Variants in STAG1 observed in about 807,000 individuals in gnomAD.
The protein encoded by STAG1 is cohesin subunit SA-1.
In STAG1, 26 loss-of-function variants were observed where a neutral mutation model predicts 170.9. The observed-to-expected ratio is 0.15, with a 90% CI of 0.11 to 0.21. STAG1 has a LOEUF of 0.21. Among genes scored for constraint, STAG1 ranks in the 10% least tolerant of loss-of-function variants. The probability of loss-of-function intolerance (pLI) is 1.00; values close to 1 mark genes in which losing one functional copy is unlikely to be tolerated. For missense variants in STAG1, 964 were observed against 1,509.5 expected (o/e 0.64, Z 5.99); for synonymous variants, 514 against 497.7 (o/e 1.03, Z -0.44).
intron 9 of STAG1, 123 bp downstream of exon 9, chr3:136,500,100 G>T: frequency 1.5e-6 from 1 of 652,408 alleles, no homozygotes; most frequent in Non-Finnish European, 2.7e-6. Context: ...GACAGCCAAA[G>T]TTGTTTTCCA....
chr3:136,454,047 G>A (rs1002965066), intron 13 of STAG1, among the ~76,000 whole-genome samples: 9 of 151,982 alleles, frequency 5.9e-5, no homozygotes, highest in African/African-American at 2.2e-4. Flanking sequence ...CTTTCAGAGG[G>A]GTGGTAAAAG....
chr3:136,404,424 T>C (rs1008436240), intron 21 of STAG1, among the ~76,000 whole-genome samples: 1 of 152,162 alleles, frequency 6.6e-6, no homozygotes, highest in Non-Finnish European at 1.5e-5. Context: ...TTTTATCTTC[T>C]CCTGTCTGCC....
intron 3 of STAG1, among the ~76,000 whole-genome samples, chr3:136,612,668 A>G (rs1033801936): frequency 1.3e-5 from 2 of 152,322 alleles, no homozygotes; most frequent in African/African-American, 2.4e-5. Context: ...TGAACAACAG[A>G]GCAAGACCCT....
chr3:136,503,670 A>G (rs1933602005), intron 7 of STAG1, among the ~76,000 whole-genome samples: 1 of 152,278 alleles, frequency 6.6e-6, no homozygotes, highest in African/African-American at 2.4e-5. Flanking sequence ...AGAAGAACTG[A>G]TTCATTTATC....
At chr3:136,723,388 C>G (rs1391038877) in intron 1 of STAG1, among the ~76,000 whole-genome samples, 1 of 150,740 alleles carries the variant, frequency 6.6e-6, no homozygotes, top group African/African-American at 2.5e-5. Flanking sequence ...GCCGCGACCC[C>G]GTCTGGGAGG....
intron 23 of STAG1, among the ~76,000 whole-genome samples, chr3:136,373,049 A>T (rs1341963162): frequency 1.3e-5 from 2 of 152,118 alleles, no homozygotes; most frequent in Non-Finnish European, 2.9e-5. Flanking sequence ...CTATTCAGAG[A>T]TTCAACTTCT....
At chr3:136,389,541 A>T (rs995385209) in intron 22 of STAG1, among the ~76,000 whole-genome samples, 1 of 151,944 alleles carries the variant, frequency 6.6e-6, no homozygotes, top group African/African-American at 2.4e-5. Context: ...CTTTTCTGAG[A>T]TGGATTCTTG....
chr3:136,445,080 G>A (rs1433262735), intron 14 of STAG1, among the ~76,000 whole-genome samples: 1 of 148,880 alleles, frequency 6.7e-6, no homozygotes, highest in Non-Finnish European at 1.5e-5. Flanking sequence ...TGGTTTCAGT[G>A]TGAATTTTAA....
At chr3:136,381,024 G>GAA (rs1196287485) in intron 22 of STAG1, among the ~76,000 whole-genome samples, 1 of 73,136 alleles carries the variant, frequency 1.4e-5, no homozygotes, top group African/African-American at 6.8e-5. Flanking sequence ...ACCCTGTCTC[G>GAA]AAAAAAAAAA....
In STAG1 at chr3:136,604,480, A is replaced by G. The variant is rs1938836187; in HGVS notation, c.133-7T>C. ...GAGGTTTCTTATTTGTAGACTGAAA[A>G]AAAGATAAAAAAAGATTCCATTCGA... is the stretch of plus-strand genomic sequence containing the variant. On this transcript the variant is annotated splice_region_variant and splice_polypyrimidine_tract_variant and intron_variant, in intron 3 of 33. Transcript: ENST00000383202. The G allele has an allele frequency of 6.3e-7, 1 of 1,585,254 alleles. No individual in the cohort carries two copies.
chr3:136,689,950 GA>G (rs1257635390), intron 1 of STAG1, among the ~76,000 whole-genome samples: 1 of 145,286 alleles, frequency 6.9e-6, no homozygotes, highest in Non-Finnish European at 1.5e-5. Flanking sequence ...GCAGACAGGA[GA>G]ATCAGTTGAA....
At chr3:136,724,123 C>T (rs1374299250) in intron 1 of STAG1, among the ~76,000 whole-genome samples, 3 of 150,844 alleles carry the variant, frequency 2.0e-5, no homozygotes, top group African/African-American at 7.4e-5. Context: ...TCATTGAGAA[C>T]GGGCCATGAT....
At chr3:136,691,317 C>T (rs893930116) in intron 1 of STAG1, among the ~76,000 whole-genome samples, 2 of 151,988 alleles carry the variant, frequency 1.3e-5, no homozygotes, top group African/African-American at 4.8e-5. Flanking sequence ...CGCCTGTAGT[C>T]CCAGCTACTC....
intron 30 of STAG1, among the ~76,000 whole-genome samples, chr3:136,341,967 C>T (rs1406018527): frequency 6.6e-6 from 1 of 151,978 alleles, no homozygotes; most frequent in Non-Finnish European, 1.5e-5. Flanking sequence ...CAAATCTGCA[C>T]TTGTACTCTA....
chr3:136,559,968 G>C (rs1310363688), intron 5 of STAG1, among the ~76,000 whole-genome samples: 2 of 152,110 alleles, frequency 1.3e-5, no homozygotes, highest in African/African-American at 4.8e-5. Flanking sequence ...AAGTTGTGAG[G>C]ACCTAAATAA....
At chr3:136,609,999 A>C (rs1156564265) in intron 3 of STAG1, among the ~76,000 whole-genome samples, 1 of 152,092 alleles carries the variant, frequency 6.6e-6, no homozygotes, top group African/African-American at 2.4e-5. Context: ...GGATATTTTA[A>C]ATTATTTCTA....
At chr3:136,449,525 A>G (rs1576476128) in intron 14 of STAG1, among the ~76,000 whole-genome samples, 1 of 151,236 alleles carries the variant, frequency 6.6e-6, no homozygotes, top group Non-Finnish European at 1.5e-5. Context: ...ACGCCACTGC[A>G]CTCCAGCCTG....
intron 5 of STAG1, among the ~76,000 whole-genome samples, chr3:136,562,864 A>G (rs989878204): frequency 5.9e-5 from 9 of 152,338 alleles, no homozygotes; most frequent in Admixed American, 5.9e-4. Context: ...CTGGGATTAC[A>G]GGTGTGAGTC....
At chr3:136,510,435 G>C (rs763662010) in intron 7 of STAG1, among the ~76,000 whole-genome samples, 2 of 151,530 alleles carry the variant, frequency 1.3e-5, no homozygotes, top group African/African-American at 4.9e-5. Flanking sequence ...AATTGCAGGC[G>C]CCCACCACCA....
Sources: gnomAD v4.1 joint callset for allele counts (sites outside exome capture counted in the v4.1 genomes callset) on GRCh38, gnomAD v4.1.1 for gene constraint, MANE v1.5 for transcripts, NCBI Gene and HGNC (gene_info 2026-07-23, HGNC 2026-07-21) for gene names.